Variants in ERCC6 observed in about 807,000 individuals in gnomAD.
ERCC6 encodes ERCC excision repair 6, chromatin remodeling factor, also known as DNA excision repair protein ERCC-6.
Under a neutral mutation model 158.7 loss-of-function variants are expected in ERCC6, and 116 were observed. The observed-to-expected ratio is 0.73, with a 90% CI of 0.63 to 0.85. The LOEUF is 0.85. Ranked by LOEUF, ERCC6 falls within the 40% of genes least tolerant of loss-of-function variation. The pLI is 0.00. For missense variants in ERCC6, 1,698 were observed against 1,799.4 expected (o/e 0.94, Z 1.02); for synonymous variants, 678 against 659.3 (o/e 1.03, Z -0.43).
At position 49,504,510 on chromosome 10, in the gene ERCC6, A is replaced by G. The variant is rs541392893; in HGVS notation, c.1526+1374T>C. The stretch of plus-strand genomic sequence containing the variant: ...TGCAGACTCAACTTGATCCTTGAGG[A>G]TATCTGCCAAATCACTTACTACAAA... On this transcript the variant is annotated intron_variant, in intron 6 of 20. Transcript: ENST00000355832. 6 of 152,272 alleles carry G rather than the reference A, an allele frequency of 3.9e-5. No homozygotes were observed. The South Asian group carries it at 6.2e-4, about 16-fold the overall frequency. The allele number at this position is 152,272 out of a possible 1,614,324, so 9.4% of individuals were successfully genotyped here.
At position 49,529,912 on chromosome 10, in the gene ERCC6, T is replaced by C. The variant is rs547048434; in HGVS notation, c.543+808A>G. ...AGTTTCAAACTTCATAAAAATAATA[T>C]CCTAAGTAACAAATATTCCCTACCC... On this transcript the variant is annotated intron_variant, in intron 3 of 20. Coordinates refer to ENST00000355832, the MANE Select transcript of ERCC6 (RefSeq NM_000124.4). Among the ~76,000 whole-genome samples the C allele has an allele frequency of 8.6e-5, 13 of 151,778 alleles. No individual in the cohort carries two copies. The South Asian group carries it at 2.7e-3, about 32-fold the overall frequency.
At position 49,524,951 on chromosome 10, in the gene ERCC6, A is replaced by T. The variant is rs567610495; in HGVS notation, c.653-174T>A. 1.4e-4 allele frequency: 199 copies of T among 1,441,612 alleles called. No individual in the cohort carries two copies. The African/African-American group carries it at 2.4e-3, about 17-fold the overall frequency. 89.3% of individuals were successfully genotyped at this position (1,441,612 alleles called of 1,614,324 possible). The stretch of plus-strand genomic sequence containing the variant: ...AAGGACAGAATAAAATTATAGCATC[A>T]TGCTATATTTAATATATTCCTGTTC... On this transcript the variant is annotated intron_variant, in intron 4 of 20. Transcript: ENST00000355832.
rs765799298 is a variant in ERCC6 at position 49,530,774 on chromosome 10, G to T, written c.489C>A (p.Thr163=). ...CTAGTTTCCTGTTGATGTCTCTGCT[G>T]GTGGCAGCTTGAGGGCTAAGCTGTT... ...IIEQLSPQAA[T]SRDINRKLDS... is the part of the protein sequence containing the mutation. The change falls in exon 3 of 21, where the codon ACC becomes ACA. Residue 163 remains threonine, a synonymous_variant. Transcript: ENST00000355832. 1 of 1,613,736 alleles carries T rather than the reference G, an allele frequency of 6.2e-7. No individual in the cohort carries two copies. The highest frequency in any genetic ancestry group is 8.5e-7 in the Non-Finnish European group (1 of 1,179,872).
At chr10:49,467,062 T>C (rs1850690665) in intron 18 of ERCC6, among the ~76,000 whole-genome samples, 1 of 152,232 alleles carries the variant, frequency 6.6e-6, no homozygotes, top group African/African-American at 2.4e-5. Context: ...ATTACAGGCG[T>C]GAGCCAAGCC....
chr10:49,497,528 A>C (rs1341654038), intron 7 of ERCC6, among the ~76,000 whole-genome samples: 1 of 152,248 alleles, frequency 6.6e-6, no homozygotes, highest in African/African-American at 2.4e-5. Flanking sequence ...GGCATTATCA[A>C]GATGCCCTTT....
chr10:49,521,210 G>C (rs1438901835), intron 5 of ERCC6, among the ~76,000 whole-genome samples: 1 of 152,218 alleles, frequency 6.6e-6, no homozygotes, highest in African/African-American at 2.4e-5. Flanking sequence ...ACTGGGAAGT[G>C]AATCAATAAC....
At chr10:49,523,424 C>T (rs1837223546) in intron 5 of ERCC6, among the ~76,000 whole-genome samples, 1 of 152,140 alleles carries the variant, frequency 6.6e-6, no homozygotes, top group Non-Finnish European at 1.5e-5. Flanking sequence ...AGCTAAAAGC[C>T]AAAGTCAGTC....
intron 18 of ERCC6, among the ~76,000 whole-genome samples, chr10:49,464,372 G>A (rs1850635895): frequency 6.6e-6 from 1 of 152,210 alleles, no homozygotes. Flanking sequence ...TGTTGTTAAA[G>A]GCATTCAGTT....
intron 2 of ERCC6, 119 bp from the exon 3 acceptor site, chr10:49,530,959 A>T (rs1837456457): frequency 7.1e-7 from 1 of 1,409,354 alleles, no homozygotes; most frequent in Admixed American, 2.3e-5. Context: ...AGATAAAGGA[A>T]ACTAAACCAG....
intron 11 of ERCC6, 132 bp from the exon 12 acceptor site, chr10:49,476,442 T>C (rs1850879400): frequency 3.0e-6 from 2 of 660,310 alleles, no homozygotes; most frequent in Non-Finnish European, 5.3e-6. Context: ...ATTATTAATA[T>C]TAAAACAACA....
chr10:49,451,832 G>C (rs968801097), downstream of ERCC6, among the ~76,000 whole-genome samples: 2 of 152,108 alleles, frequency 1.3e-5, no homozygotes, highest in African/African-American at 2.4e-5. Flanking sequence ...TTGATTGTTT[G>C]GTAGAACACA....
intron 8 of ERCC6, among the ~76,000 whole-genome samples, chr10:49,489,939 C>A (rs1008746913): frequency 1.3e-5 from 2 of 152,222 alleles, no homozygotes; most frequent in African/African-American, 4.8e-5. Context: ...CTAGCAACAT[C>A]AAACACCTGA....
chr10:49,472,406 G>A lies in ERCC6; in HGVS notation c.2894C>T (p.Ala965Val), dbSNP rs754058694. ...KQVTVYRLLT[A>V]GTIEEKIYHR... ...GTAGATCTTTTCTTCAATGGTGCCC[G>A]CAGTCAGGAGCCTGTACACAGTCAC... The change falls in exon 16 of 21, where the codon GCG (alanine) becomes GTG (valine). Residue 965 changes from alanine to valine, a missense_variant. Ala to Val is a moderately conservative substitution (Grantham distance 64). Coordinates refer to ENST00000355832, the MANE Select transcript of ERCC6 (RefSeq NM_000124.4). The A allele has an allele frequency of 3.5e-5, 57 of 1,613,896 alleles. No homozygotes were observed. The highest frequency in any genetic ancestry group is 8.0e-5 in the African/African-American group (6 of 74,894).
rs556755511 is a variant in ERCC6 at position 49,457,331 on chromosome 10, A to C, written c.*1484T>G. 2.0e-5 allele frequency: 3 copies of C among 152,320 alleles called. No individual in the cohort carries two copies. Among genetic ancestry groups the C allele is most frequent in the African/African-American group, 7.2e-5 (3 of 41,574 alleles). The allele number at this position is 152,320 out of a possible 1,614,324, so 9.4% of individuals were successfully genotyped here. On this transcript the variant is annotated 3_prime_UTR_variant, in exon 21 of 21. Coordinates refer to ENST00000355832, the MANE Select transcript of ERCC6 (RefSeq NM_000124.4). ...CCTCATTATATATAAACCAAACTAA[A>C]AACAAAAGAAATGAACAAGCTATAA...
At chr10:49,459,728 A>C (rs761312431) in intron 20 of ERCC6, among the ~76,000 whole-genome samples, 1 of 152,216 alleles carries the variant, frequency 6.6e-6, no homozygotes, top group Non-Finnish European at 1.5e-5. Flanking sequence ...CCTTAAAAAA[A>C]CACAAATCTA....
At chr10:49,464,415 A>C (rs1324531713) in intron 18 of ERCC6, among the ~76,000 whole-genome samples, 1 of 152,208 alleles carries the variant, frequency 6.6e-6, no homozygotes, top group Non-Finnish European at 1.5e-5. Context: ...AAGTTTGGAC[A>C]ATTTGCAGCC....
the ERCC6 span, among the ~76,000 whole-genome samples, chr10:49,441,576 C>T: frequency 7.2e-6 from 1 of 138,772 alleles, no homozygotes; most frequent in African/African-American, 2.7e-5. Flanking sequence ...CACGGTGTGC[C>T]ATTTTGCATT....
Position 49,532,729 on chromosome 10 carries a change from T to C in ERCC6, c.236A>G (p.Gln79Arg), listed in dbSNP as rs746424521. ...GGCGCTAGGCTCTACTGCCTGGATCTGATGTCGGTCGATGTGCAGCAGGGC... is the reference window on the plus strand; with the variant it reads ...GGCGCTAGGCTCTACTGCCTGGATCCGATGTCGGTCGATGTGCAGCAGGGC... ...GPALLHIDRH[Q>R]IQAVEPSAQA... The change falls in exon 2 of 21, where the codon CAG becomes CGG. Residue 79 changes from glutamine (Q) to arginine (R), a missense_variant. Transcript: ENST00000355832. The C allele has an allele frequency of 3.7e-6, 6 of 1,614,250 alleles. No homozygotes were observed. In the Admixed American group the frequency reaches 1.0e-4, roughly 27 times the overall value.
intron 5 of ERCC6, chr10:49,515,309 T>C: frequency 6.3e-7 from 1 of 1,580,830 alleles, no homozygotes; most frequent in African/African-American, 1.3e-5. Context: ...CTATGTTTCT[T>C]ATCTCAGGAG....
Sources: allele counts gnomAD v4.1 joint callset (sites outside exome capture counted in the v4.1 genomes callset), GRCh38; gene constraint gnomAD v4.1.1; transcripts MANE v1.5; gene names NCBI Gene and HGNC (gene_info 2026-07-23, HGNC 2026-07-21).